PAX8: variants seen among roughly 807,000 people sequenced by gnomAD.
PAX8 encodes the protein paired box 8, also known as paired box protein Pax-8.
PAX8 carries 15 observed loss-of-function variants against 52.4 expected under a neutral mutation model. The observed-to-expected ratio is 0.29, with a 90% CI of 0.19 to 0.44. The LOEUF is 0.44. Among genes scored for constraint, PAX8 ranks in the 20% least tolerant of loss-of-function variants. PAX8 has a pLI of 1.00. For missense variants in PAX8, 554 were observed against 602.5 expected (o/e 0.92, Z 0.84); for synonymous variants, 284 against 249.7 (o/e 1.14, Z -1.29).
chr2:113,221,205 C>G (rs555224975), intron 10 of PAX8, among the ~76,000 whole-genome samples: 5 of 152,332 alleles, frequency 3.3e-5, no homozygotes, highest in Admixed American at 3.3e-4. Context: ...GACCTTAGGG[C>G]TCTTGACTCC....
intron 2 of PAX8, chr2:113,275,969 G>A (rs2104615904): frequency 6.6e-6 from 1 of 152,368 alleles, no homozygotes; most frequent in East Asian, 1.9e-4. Context: ...GTTTTCTCGA[G>A]CGTCCCCGGT....
intron 7 of PAX8, 148 bp from the exon 8 acceptor site, chr2:113,236,869 C>G (rs756016941): frequency 4.4e-6 from 4 of 910,038 alleles, no homozygotes; most frequent in Admixed American, 2.9e-5. Context: ...TTCTCAACTC[C>G]ACTCGGCACG....
chr2:113,231,690 T>C (rs2863243), intron 9 of PAX8, among the ~76,000 whole-genome samples: 56,398 of 152,100 alleles, frequency 0.37, 10,536 homozygotes, highest in South Asian at 0.45. Context: ...GCAGCATTAC[T>C]TAGGAATAAT....
chr2:113,275,691 A>G (rs1168847853), intron 2 of PAX8: 1 of 152,162 alleles, frequency 6.6e-6, no homozygotes, highest in East Asian at 1.9e-4. Flanking sequence ...ACTTTTATAT[A>G]TATGGGGCAT....
intron 9 of PAX8, among the ~76,000 whole-genome samples, chr2:113,229,637 C>G (rs1689773693): frequency 6.6e-6 from 1 of 152,214 alleles, no homozygotes; most frequent in South Asian, 2.1e-4. Context: ...GCTGGAAACA[C>G]AGGAGGGGAA....
chr2:113,226,550 G>T, intron 10 of PAX8: 1 of 1,001,532 alleles, frequency 1.0e-6, no homozygotes, highest in Non-Finnish European at 1.2e-6. Context: ...AGGATGGAGA[G>T]CTACTCCAGG....
At chr2:113,278,313 C>G (rs887883397) in intron 2 of PAX8, 57 bp downstream of exon 2, 32 of 1,355,564 alleles carry the variant, frequency 2.4e-5, no homozygotes, top group Non-Finnish European at 3.4e-5. Flanking sequence ...CCCGAGCGCA[C>G]GCACGGACGC....
At position 113,233,683 on chromosome 2, in the gene PAX8, AC is replaced by A. The variant is rs1161257568; in HGVS notation, c.1087+1710del. ...ACAGAGTGAGATTCCATCTCAAAAAACAAAAAAACAAAAAAAAAAGGGTCCA... is the reference window on the plus strand; with the variant it reads ...ACAGAGTGAGATTCCATCTCAAAAAAAAAAAAACAAAAAAAAAAGGGTCCA... On this transcript the variant is annotated intron_variant, in intron 9 of 11. Coordinates refer to ENST00000429538, the MANE Select transcript of PAX8 (RefSeq NM_003466.4). Among the ~76,000 whole-genome samples, 520 of 142,970 alleles carry A rather than the reference AC, an allele frequency of 3.6e-3. 8 individuals carry two copies. Among genetic ancestry groups the A allele is most frequent in the Non-Finnish European group, 5.6e-3 (377 of 66,860 alleles). 93.8% of individuals were successfully genotyped at this position (142,970 alleles called of 152,430 possible).
Position 113,229,144 on chromosome 2 carries a change from CT to C in PAX8, c.1088-1889del, listed in dbSNP as rs1385560902. Among the ~76,000 whole-genome samples the C allele has an allele frequency of 5.9e-5, 9 of 152,184 alleles. No individual in the cohort carries two copies. In the East Asian group the frequency reaches 1.7e-3, roughly 29 times the overall value. ...AACAAAAACCAGGCACACACAACTTCTTCCCTTCCTCTAGAGGGCAGGGCCT... is the reference window on the plus strand; with the variant it reads ...AACAAAAACCAGGCACACACAACTTCTCCCTTCCTCTAGAGGGCAGGGCCT... On this transcript the variant is annotated intron_variant, in intron 9 of 11. Coordinates refer to ENST00000429538, the MANE Select transcript of PAX8 (RefSeq NM_003466.4).
At chr2:113,245,191 C>T (rs1212196576) in intron 3 of PAX8, among the ~76,000 whole-genome samples, 2 of 152,008 alleles carry the variant, frequency 1.3e-5, no homozygotes, top group South Asian at 2.1e-4. Context: ...GGATTACAAG[C>T]GTCTGCCACC....
In PAX8 at chr2:113,237,419, C is replaced by G. The variant is rs565788623; in HGVS notation, c.778-698G>C. 3 of 152,240 alleles carry G rather than the reference C, an allele frequency of 2.0e-5. No homozygotes were observed. In the East Asian group the frequency reaches 5.8e-4, roughly 29 times the overall value. The allele number at this position is 152,240 out of a possible 1,614,324, so 9.4% of individuals were successfully genotyped here. A position where few individuals can be genotyped will look rare whatever the true frequency, so the allele number is the denominator to read the frequency against. On this transcript the variant is annotated intron_variant, in intron 7 of 11. Coordinates refer to ENST00000429538, the MANE Select transcript of PAX8 (RefSeq NM_003466.4). ...TTTTGTATAGTGAAACAGACTAAAC[C>G]CGGGATTTTTCGGCTGTGGACCCAG...
chr2:113,235,646 A>T, intron 8 of PAX8, 64 bp from the exon 9 acceptor site: 1 of 1,386,188 alleles, frequency 7.2e-7, no homozygotes, highest in Non-Finnish European at 1.0e-6. Flanking sequence ...GAACACGCAC[A>T]AGCCAAGCCG....
intron 10 of PAX8, chr2:113,226,606 TC>T: frequency 7.6e-6 from 8 of 1,055,038 alleles, no homozygotes; most frequent in Non-Finnish European, 9.2e-6. Context: ...AGAACCCGGG[TC>T]CTATCCATGC....
chr2:113,227,034 C>T (rs1401819778), intron 10 of PAX8, 121 bp downstream of exon 10: 2 of 1,533,982 alleles, frequency 1.3e-6, no homozygotes, highest in Non-Finnish European at 1.7e-6. Context: ...TTTGGTCCAT[C>T]CTTCAATGCC....
Position 113,242,823 on chromosome 2 carries a change from G to A in PAX8, c.390-45C>T, listed in dbSNP as rs779621090. On this transcript the variant is annotated intron_variant, in intron 4 of 11. Transcript: ENST00000429538. ...GGCCATGAGAGAGAAGAGGAGGAAAGAGAACTCATGGCTGCCCCAGACCCA... is the reference window on the plus strand; with the variant it reads ...GGCCATGAGAGAGAAGAGGAGGAAAAAGAACTCATGGCTGCCCCAGACCCA... The A allele has an allele frequency of 8.2e-6, 12 of 1,466,562 alleles. No individual in the cohort carries two copies. The African/African-American group carries it at 8.3e-5, about 10-fold the overall frequency. 90.8% of individuals were successfully genotyped at this position (1,466,562 alleles called of 1,614,324 possible). A position where few individuals can be genotyped will look rare whatever the true frequency, so the allele number is the denominator to read the frequency against.
At chr2:113,242,632 A>T in intron 5 of PAX8, 58 bp downstream of exon 5, 1 of 1,118,404 alleles carries the variant, frequency 8.9e-7, no homozygotes, top group Non-Finnish European at 1.4e-6. Flanking sequence ...ATATGTGGGT[A>T]TGCTGAAGGG....
At chr2:113,222,591 C>T (rs1275996184) in intron 10 of PAX8, among the ~76,000 whole-genome samples, 1 of 152,210 alleles carries the variant, frequency 6.6e-6, no homozygotes, top group Non-Finnish European at 1.5e-5. Flanking sequence ...CCACCCTACT[C>T]ACCTTTCCAA....
At chr2:113,244,676 T>C (rs778902502) in intron 3 of PAX8, 52 bp from the exon 4 acceptor site, 2 of 1,549,160 alleles carry the variant, frequency 1.3e-6, no homozygotes, top group East Asian at 2.2e-5. Flanking sequence ...GTGGGGTCTT[T>C]AGACAGGGAT....
chr2:113,220,670 A>T (rs890653850), intron 10 of PAX8, among the ~76,000 whole-genome samples: 3 of 152,070 alleles, frequency 2.0e-5, no homozygotes, highest in African/African-American at 7.2e-5. Flanking sequence ...GAGGACATCC[A>T]TATATATGAA....
Sources: allele counts gnomAD v4.1 joint callset (sites outside exome capture counted in the v4.1 genomes callset), GRCh38; gene constraint gnomAD v4.1.1; transcripts MANE v1.5; gene names NCBI Gene and HGNC (gene_info 2026-07-23, HGNC 2026-07-21).